MARCHF1: variants seen among roughly 807,000 people sequenced by gnomAD.
MARCHF1 encodes membrane associated ring-CH-type finger 1, also known as E3 ubiquitin-protein ligase MARCHF1.
In MARCHF1, 40 loss-of-function variants were observed where a neutral mutation model predicts 54.2. That is an observed-to-expected ratio of 0.74 (90% CI 0.57 to 0.96). The LOEUF is 0.96. Among genes scored for constraint, MARCHF1 ranks in the 40% least tolerant of loss-of-function variants. The pLI is 0.00. For missense variants in MARCHF1, 586 were observed against 656.5 expected, an observed-to-expected ratio of 0.89 and a Z score of 1.17; for synonymous variants, 236 against 236.3, an observed-to-expected ratio of 1.00 and a Z score of 0.01.
intron 1 of MARCHF1, among the ~76,000 whole-genome samples, chr4:164,299,632 T>C (rs1229512718): frequency 6.6e-6 from 1 of 152,156 alleles, no homozygotes; most frequent in African/African-American, 2.4e-5. Flanking sequence ...AGAGTAGAGT[T>C]ATTCCATTTG....
At chr4:163,767,604 G>A (rs912477316) in intron 4 of MARCHF1, among the ~76,000 whole-genome samples, 1 of 152,054 alleles carries the variant, frequency 6.6e-6, no homozygotes, top group African/African-American at 2.4e-5. Context: ...AAAGTGCTGG[G>A]ATTACAGGCG....
chr4:164,305,044 C>T (rs1397570115), intron 1 of MARCHF1, among the ~76,000 whole-genome samples: 1 of 152,120 alleles, frequency 6.6e-6, no homozygotes, highest in Non-Finnish European at 1.5e-5. Flanking sequence ...ACCACAAACA[C>T]ATTGCTTTGG....
intron 1 of MARCHF1, among the ~76,000 whole-genome samples, chr4:164,223,284 A>C (rs1732163330): frequency 6.6e-6 from 1 of 152,062 alleles, no homozygotes; most frequent in South Asian, 2.1e-4. Context: ...CTGACAGCAA[A>C]AGATCATATA....
intron 1 of MARCHF1, among the ~76,000 whole-genome samples, chr4:164,227,683 G>A (rs1285515116): frequency 5.9e-5 from 9 of 151,912 alleles, no homozygotes; most frequent in Admixed American, 1.3e-4. Context: ...CACATATTTC[G>A]CGCCATGTGC....
intron 3 of MARCHF1, among the ~76,000 whole-genome samples, chr4:163,979,849 A>G (rs369443652): frequency 6.6e-6 from 1 of 151,578 alleles, no homozygotes; most frequent in Non-Finnish European, 1.5e-5. Context: ...CATGTCCTTC[A>G]CCCACTTTTT....
At chr4:163,646,782 G>C (rs1448905755) in intron 5 of MARCHF1, among the ~76,000 whole-genome samples, 1 of 151,856 alleles carries the variant, frequency 6.6e-6, no homozygotes, top group Non-Finnish European at 1.5e-5. Context: ...AAGATAAAGG[G>C]ACCAAAACAT....
intron 5 of MARCHF1, among the ~76,000 whole-genome samples, chr4:163,633,165 T>A (rs962609541): frequency 6.6e-6 from 1 of 152,014 alleles, no homozygotes; most frequent in African/African-American, 2.4e-5. Context: ...ACAGAAAAAC[T>A]GGAAACTCTA....
intron 1 of MARCHF1, among the ~76,000 whole-genome samples, chr4:164,219,558 C>G (rs185953459): frequency 3.2e-4 from 49 of 151,594 alleles, no homozygotes; most frequent in Non-Finnish European, 7.4e-5. Flanking sequence ...AGATATGAAT[C>G]CTTCAATATT....
At chr4:164,232,835 T>C (rs28722077) in intron 1 of MARCHF1, among the ~76,000 whole-genome samples, 2,601 of 152,308 alleles carry the variant, frequency 0.017, 74 homozygotes, top group African/African-American at 0.059. Flanking sequence ...GATGCAATAG[T>C]AGTTACACAA....
intron 1 of MARCHF1, among the ~76,000 whole-genome samples, chr4:164,161,495 A>C (rs1373965152): frequency 6.6e-6 from 1 of 151,964 alleles, no homozygotes; most frequent in Non-Finnish European, 1.5e-5. Flanking sequence ...TTAGGAAAGC[A>C]TATTTTTAAA....
At chr4:163,868,611 A>G (rs1457595757) in intron 3 of MARCHF1, among the ~76,000 whole-genome samples, 1 of 152,018 alleles carries the variant, frequency 6.6e-6, no homozygotes, top group African/African-American at 2.4e-5. Context: ...ACCCATACAT[A>G]CAAATGTGTA....
At chr4:163,555,932 G>T (rs771803906) in intron 8 of MARCHF1, 1 of 456,104 alleles carries the variant, frequency 2.2e-6, no homozygotes, top group African/African-American at 2.0e-5. Context: ...TAGCCTTGCC[G>T]TTTAGGAGAC....
At chr4:163,706,752 A>T (rs993992511) in intron 4 of MARCHF1, among the ~76,000 whole-genome samples, 1 of 152,002 alleles carries the variant, frequency 6.6e-6, no homozygotes, top group Non-Finnish European at 1.5e-5. Context: ...AGGTAGATAA[A>T]ATGATCTTAA....
chr4:163,595,031 C>G (rs1417174936), intron 7 of MARCHF1, among the ~76,000 whole-genome samples: 3 of 152,026 alleles, frequency 2.0e-5, no homozygotes, highest in Admixed American at 2.0e-4. Context: ...AAGAGTGAAG[C>G]TACGGAAACA....
intron 8 of MARCHF1, chr4:163,585,473 T>C (rs1247461243): frequency 4.5e-6 from 1 of 222,212 alleles, no homozygotes. Context: ...TGCATATACA[T>C]ATATATGTTT....
At chr4:163,899,807 CCA>C (rs1289478909) in intron 3 of MARCHF1, among the ~76,000 whole-genome samples, 2 of 146,468 alleles carry the variant, frequency 1.4e-5, no homozygotes, top group African/African-American at 5.0e-5. Flanking sequence ...TCAGTTTCTG[CCA>C]CAGTTTTCTC....
At chr4:164,032,876 G>A (rs1040320226) in intron 2 of MARCHF1, among the ~76,000 whole-genome samples, 1 of 152,120 alleles carries the variant, frequency 6.6e-6, no homozygotes, top group African/African-American at 2.4e-5. Flanking sequence ...AACAAAGCTG[G>A]AGGCATCATG....
intron 1 of MARCHF1, among the ~76,000 whole-genome samples, chr4:164,351,354 A>G (rs1427602914): frequency 1.3e-5 from 2 of 151,200 alleles, no homozygotes; most frequent in Admixed American, 6.6e-5. Flanking sequence ...GCAGACTTAA[A>G]TGTCCCTGTC....
At chr4:164,367,663 T>C (rs1193512513) in intron 1 of MARCHF1, among the ~76,000 whole-genome samples, 2 of 151,938 alleles carry the variant, frequency 1.3e-5, no homozygotes, top group African/African-American at 4.8e-5. Context: ...ACCTTTATTT[T>C]CTTTTTCCAA....
Sources: gnomAD v4.1 joint callset for allele counts (sites outside exome capture counted in the v4.1 genomes callset) on GRCh38, gnomAD v4.1.1 for gene constraint, MANE v1.5 for transcripts, NCBI Gene and HGNC (gene_info 2026-07-23, HGNC 2026-07-21) for gene names.